Variants in EPHA6 observed in about 807,000 individuals in gnomAD.
EPHA6 encodes ephrin type-A receptor 6.
In EPHA6, 50 loss-of-function variants were observed where a neutral mutation model predicts 112.0. The observed-to-expected ratio is 0.45, with a 90% CI of 0.36 to 0.56. The LOEUF (loss-of-function observed/expected upper bound fraction) is 0.56, where lower values mean the gene tolerates loss of function less well. Ranked by LOEUF, EPHA6 falls within the 20% of genes least tolerant of loss-of-function variation. The pLI, the probability that EPHA6 is intolerant of heterozygous loss-of-function variation, is 0.00. For missense variants in EPHA6, 1,280 were observed against 1,417.4 expected (o/e 0.90, Z 1.56); for synonymous variants, 529 against 490.7 (o/e 1.08, Z -1.03).
At chr3:97,033,502 AGATCACTAGT>A (rs2044958733) in intron 3 of EPHA6, among the ~76,000 whole-genome samples, 1 of 151,988 alleles carries the variant, frequency 6.6e-6, no homozygotes, top group South Asian at 2.1e-4. Flanking sequence ...AATTATTTAA[AGATCACTAGT>A]GAGCAAACAA....
At position 96,928,565 on chromosome 3, in the gene EPHA6, C is replaced by T. The variant is rs190747517; in HGVS notation, c.451-58765C>T. 4.1e-4 allele frequency among the ~76,000 whole-genome samples: 62 copies of T among 152,050 alleles called. No homozygotes were observed. The East Asian group carries it at 9.5e-3, about 23-fold the overall frequency. On this transcript the variant is annotated intron_variant, in intron 2 of 17. Transcript: ENST00000389672. The stretch of plus-strand genomic sequence containing the variant: ...TGTGTGTCAATTTGAGAGTAAGTGC[C>T]GTGCGGTGATGAGAAGAATGTATAT...
intron 3 of EPHA6, among the ~76,000 whole-genome samples, chr3:97,120,113 G>T (rs977101701): frequency 2.0e-5 from 3 of 151,854 alleles, no homozygotes; most frequent in African/African-American, 7.2e-5. Context: ...TGAAGCTCAG[G>T]TTCCTTCTAG....
At chr3:97,161,603 C>T (rs7647693) in intron 3 of EPHA6, among the ~76,000 whole-genome samples, 16,503 of 152,126 alleles carry the variant, frequency 0.11, 1,265 homozygotes, top group African/African-American at 0.21. Context: ...GCCCACAAGG[C>T]GCTGTGCCTT....
intron 14 of EPHA6, among the ~76,000 whole-genome samples, chr3:97,645,687 T>C (rs1367148307): frequency 6.6e-6 from 1 of 152,112 alleles, no homozygotes; most frequent in African/African-American, 2.4e-5. Context: ...AAAAGGATTC[T>C]TTGTTTTATA....
intron 3 of EPHA6, among the ~76,000 whole-genome samples, chr3:97,081,659 A>T (rs937485314): frequency 1.3e-5 from 2 of 151,928 alleles, no homozygotes; most frequent in East Asian, 1.9e-4. Flanking sequence ...TATTCTAAGG[A>T]TATATGCACA....
chr3:96,866,822 C>T lies in EPHA6; in HGVS notation c.386-3C>T, dbSNP rs1172707296. ...GGAATTTTTATTTTCTATTTAATTCCAGTTGTGTTGCTTGATACAACAACT... is the reference window on the plus strand; with the variant it reads ...GGAATTTTTATTTTCTATTTAATTCTAGTTGTGTTGCTTGATACAACAACT... On this transcript the variant is annotated splice_polypyrimidine_tract_variant and splice_region_variant and intron_variant, in intron 1 of 17. Coordinates refer to ENST00000389672, the MANE Select transcript of EPHA6 (RefSeq NM_001080448.3). The T allele has an allele frequency of 4.1e-6, 6 of 1,447,000 alleles. No homozygotes were observed. The highest frequency in any genetic ancestry group is 1.9e-4 in the Middle Eastern group (1 of 5,308). The allele number at this position is 1,447,000 out of a possible 1,614,324, so 89.6% of individuals were successfully genotyped here. A position where few individuals can be genotyped will look rare whatever the true frequency, so the allele number is the denominator to read the frequency against.
chr3:97,470,415 A>C (rs2091192145), intron 7 of EPHA6, among the ~76,000 whole-genome samples: 1 of 151,784 alleles, frequency 6.6e-6, no homozygotes. Flanking sequence ...TAACTTTAAA[A>C]ATATGTTCAT....
chr3:96,958,838 T>C (rs1010764531), intron 2 of EPHA6, among the ~76,000 whole-genome samples: 1 of 152,224 alleles, frequency 6.6e-6, no homozygotes, highest in Non-Finnish European at 1.5e-5. Flanking sequence ...ATTCTTTTTA[T>C]TGTTTAGTAT....
chr3:97,608,545 C>T (rs187933146), intron 12 of EPHA6, among the ~76,000 whole-genome samples: 41 of 151,270 alleles, frequency 2.7e-4, no homozygotes, highest in Admixed American at 2.3e-3. Context: ...TCATAGTGTA[C>T]ACAACAGATG....
chr3:96,838,205 C>T (rs1326719403), intron 1 of EPHA6, among the ~76,000 whole-genome samples: 2 of 152,078 alleles, frequency 1.3e-5, no homozygotes, highest in African/African-American at 4.8e-5. Flanking sequence ...CTCCTCCATC[C>T]ATGTCCATGC....
chr3:97,094,872 A>G (rs1194056769), intron 3 of EPHA6, among the ~76,000 whole-genome samples: 1 of 152,060 alleles, frequency 6.6e-6, no homozygotes, highest in Admixed American at 6.6e-5. Flanking sequence ...AATAAATGTG[A>G]TGTAACAAAA....
At chr3:96,847,018 G>A (rs1375793417) in intron 1 of EPHA6, among the ~76,000 whole-genome samples, 1 of 152,004 alleles carries the variant, frequency 6.6e-6, no homozygotes, top group African/African-American at 2.4e-5. Context: ...CTGGATGCTG[G>A]TTGAGCTCTA....
In EPHA6 at chr3:97,481,080, G is replaced by A. The variant is rs576349311; in HGVS notation, c.2074+1716G>A. 7.3e-4 allele frequency: 345 copies of A among 473,100 alleles called. 1 individual carries two copies. The highest frequency in any genetic ancestry group is 4.8e-3 in the South Asian group (261 of 54,672). The allele number at this position is 473,100 out of a possible 1,614,324, so 29.3% of individuals were successfully genotyped here. On this transcript the variant is annotated intron_variant, in intron 9 of 17. Transcript: ENST00000389672. The stretch of plus-strand genomic sequence containing the variant: ...CTCACTTCCCAGACGGGGTGGCAGC[G>A]GGGCAGAGGCTGCAATCTCGACACT...
intron 11 of EPHA6, among the ~76,000 whole-genome samples, chr3:97,538,810 G>A (rs144692939): frequency 7.2e-5 from 11 of 152,260 alleles, no homozygotes; most frequent in African/African-American, 2.6e-4. Flanking sequence ...AGATGGCAAT[G>A]GATTTAGAGT....
intron 5 of EPHA6, among the ~76,000 whole-genome samples, chr3:97,289,121 T>C (rs1001409992): frequency 6.6e-6 from 1 of 152,132 alleles, no homozygotes; most frequent in Non-Finnish European, 1.5e-5. Flanking sequence ...TTTGTTGCAA[T>C]TGATTTGGAG....
chr3:96,829,949 G>GCGCGCGCGCGCGTGCGCACACA (rs373416797), intron 1 of EPHA6, among the ~76,000 whole-genome samples: 1 of 136,034 alleles, frequency 7.4e-6, no homozygotes, highest in African/African-American at 3.0e-5. Flanking sequence ...GCGCGCGCGC[G>GCGCGCGCGCGCGTGCGCACACA]CACACACACA....
At chr3:97,646,403 A>G in intron 14 of EPHA6, 2 of 924,030 alleles carry the variant, frequency 2.2e-6, no homozygotes, top group Non-Finnish European at 3.0e-6. Flanking sequence ...GTAAATGAAG[A>G]ATGAGATTTA....
At chr3:97,153,455 G>C (rs1227630151) in intron 3 of EPHA6, among the ~76,000 whole-genome samples, 1 of 151,966 alleles carries the variant, frequency 6.6e-6, no homozygotes, top group African/African-American at 2.4e-5. Context: ...TGATGCCTTT[G>C]AAACGTTTTC....
rs543450843 is a variant in EPHA6, at chr3:97,171,040, A to C, written c.1115-55224A>C. On this transcript the variant is annotated intron_variant, in intron 3 of 17. Transcript: ENST00000389672. Reference sequence around the variant, plus strand: ...AACCACTATAAATAATGGACTGAAAAGGAGTGAGAAACTCACCATTAAGTG... The same window carrying C: ...AACCACTATAAATAATGGACTGAAACGGAGTGAGAAACTCACCATTAAGTG... Among the ~76,000 whole-genome samples, 3 of 152,314 alleles carry C rather than the reference A, an allele frequency of 2.0e-5. No individual in the cohort carries two copies. The South Asian group carries it at 6.2e-4, about 32-fold the overall frequency.
Sources: allele counts gnomAD v4.1 joint callset (sites outside exome capture counted in the v4.1 genomes callset), GRCh38; gene constraint gnomAD v4.1.1; transcripts MANE v1.5; gene names NCBI Gene and HGNC (gene_info 2026-07-23, HGNC 2026-07-21).